Variants in ANK3 observed in about 807,000 individuals in gnomAD.
The protein encoded by ANK3 is ankyrin 3, also known as ankyrin-3.
ANK3 carries 57 observed loss-of-function variants against 370.9 expected under a neutral mutation model. The ratio of observed to expected loss-of-function variants is 0.15; its 90% CI spans 0.12 to 0.19. The LOEUF is 0.19. Among genes scored for constraint, ANK3 ranks in the 10% least tolerant of loss-of-function variants. The pLI is 1.00. For missense variants in ANK3, 4,439 were observed against 5,302.1 expected, an observed-to-expected ratio of 0.84 and a Z score of 5.06; for synonymous variants, 1,929 against 1,946.3, an observed-to-expected ratio of 0.99 and a Z score of 0.23.
chr10:60,085,694 C>A (rs1191225306), intron 30 of ANK3, among the ~76,000 whole-genome samples: 1 of 148,248 alleles, frequency 6.7e-6, no homozygotes, highest in South Asian at 2.1e-4. Flanking sequence ...CGGCTCACTG[C>A]AACCTCCGCC....
At chr10:60,256,535 C>T (rs1291713669) in intron 7 of ANK3, among the ~76,000 whole-genome samples, 3 of 152,294 alleles carry the variant, frequency 2.0e-5, no homozygotes, top group Admixed American at 6.5e-5. Flanking sequence ...AGGTTTGTTA[C>T]GTGGGTATAT....
intron 7 of ANK3, among the ~76,000 whole-genome samples, chr10:60,258,055 T>C (rs1234641478): frequency 6.6e-6 from 1 of 152,228 alleles, no homozygotes; most frequent in East Asian, 1.9e-4. Context: ...GGCAACCACA[T>C]AATACAATTT....
intron 1 of ANK3, among the ~76,000 whole-genome samples, chr10:60,283,530 T>C (rs1317395431): frequency 3.9e-5 from 6 of 152,146 alleles, no homozygotes; most frequent in Admixed American, 3.9e-4. Context: ...TATGAACAGG[T>C]TGTTCAGCAC....
Position 60,072,281 on chromosome 10 carries a change from T to C in ANK3, c.8600A>G (p.Lys2867Arg), listed in dbSNP as rs745997409. Reference protein sequence around the residue: ...SSGATNNKSQKEKLSHVLVHD... With the variant: ...SSGATNNKSQREKLSHVLVHD... ...AACAAGTACATGCGAAAGTTTTTCTTTCTGAGACTTATTGTTAGTGGCTCC... is the reference window on the plus strand; with the variant it reads ...AACAAGTACATGCGAAAGTTTTTCTCTCTGAGACTTATTGTTAGTGGCTCC... The change falls in exon 37 of 44, where the codon AAA becomes AGA. Residue 2867 changes from lysine to arginine, a missense_variant. Physicochemically the swap from Lys to Arg is conservative, Grantham distance 26. Coordinates refer to ENST00000280772, the MANE Select transcript of ANK3 (RefSeq NM_020987.5). The C allele has an allele frequency of 1.2e-6, 2 of 1,614,162 alleles. No homozygotes were observed. Among genetic ancestry groups the C allele is most frequent in the Non-Finnish European group, 1.7e-6 (2 of 1,180,024 alleles).
chr10:60,091,951 G>A (rs771352757), intron 28 of ANK3, among the ~76,000 whole-genome samples: 6 of 152,030 alleles, frequency 3.9e-5, no homozygotes, highest in Non-Finnish European at 5.9e-5. Context: ...GGATGGTCTC[G>A]ATCTCTTGAC....
intron 2 of ANK3, among the ~76,000 whole-genome samples, chr10:60,527,104 A>G (rs2133193159): frequency 1.3e-5 from 2 of 152,302 alleles, no homozygotes; most frequent in East Asian, 3.9e-4. Flanking sequence ...AGTTAAATTA[A>G]AAAAGAAATT....
In ANK3 at chr10:60,399,790, G is replaced by A. The variant is rs192796604; in HGVS notation, c.97-120151C>T. Among the ~76,000 whole-genome samples, 9 of 152,232 alleles carry A rather than the reference G, an allele frequency of 5.9e-5. No individual in the cohort carries two copies. The South Asian group carries it at 8.3e-4, about 14-fold the overall frequency. On this transcript the variant is annotated intron_variant, in intron 2 of 43. Coordinates refer to the ANK3 transcript ENST00000373827. ...AATTTAATGAAAAAATTTAAATTGT[G>A]GTCTTTTCTGCAGAGGTGGTGATAT...
chr10:60,378,623 T>C (rs180780247), intron 1 of ANK3, among the ~76,000 whole-genome samples: 32 of 152,260 alleles, frequency 2.1e-4, no homozygotes, highest in Non-Finnish European at 4.0e-4. Flanking sequence ...TAATTGGTGC[T>C]GGGAAAATTG....
chr10:60,553,254 CACT>C (rs2133235801), intron 2 of ANK3, among the ~76,000 whole-genome samples: 1 of 150,660 alleles, frequency 6.6e-6, no homozygotes, highest in South Asian at 2.1e-4. Flanking sequence ...GCCTTATACC[CACT>C]GGGTAACCTT....
At chr10:60,540,555 C>T (rs1473293486) in intron 2 of ANK3, among the ~76,000 whole-genome samples, 3 of 151,872 alleles carry the variant, frequency 2.0e-5, no homozygotes, top group Non-Finnish European at 4.4e-5. Context: ...CTGAGTTAAT[C>T]CTAAACACGG....
chr10:60,241,715 A>C (rs1198598207), intron 7 of ANK3, among the ~76,000 whole-genome samples: 1 of 152,184 alleles, frequency 6.6e-6, no homozygotes, highest in Non-Finnish European at 1.5e-5. Flanking sequence ...CACTCTAAAA[A>C]ACTTAAGTAT....
chr10:60,606,801 A>G (rs1268638844), intron 2 of ANK3, among the ~76,000 whole-genome samples: 1 of 152,160 alleles, frequency 6.6e-6, no homozygotes, highest in Non-Finnish European at 1.5e-5. Flanking sequence ...TACTCATTTC[A>G]GCTTCCTGCA....
intron 1 of ANK3, among the ~76,000 whole-genome samples, chr10:60,389,072 C>G (rs1443882075): frequency 1.3e-5 from 2 of 152,144 alleles, no homozygotes; most frequent in African/African-American, 4.8e-5. Flanking sequence ...GCCTCTCCCT[C>G]TAACCCAAGT....
chr10:60,208,843 C>T (rs1226885581), intron 9 of ANK3, among the ~76,000 whole-genome samples: 2 of 152,162 alleles, frequency 1.3e-5, no homozygotes, highest in Non-Finnish European at 2.9e-5. Context: ...GAAAGGAAAA[C>T]TTTTCCCTTT....
intron 1 of ANK3, among the ~76,000 whole-genome samples, chr10:60,705,832 T>C (rs1244775487): frequency 2.0e-5 from 3 of 147,596 alleles, no homozygotes; most frequent in Non-Finnish European, 4.5e-5. Context: ...TTCTTTTTTT[T>C]TTTTTTTTTT....
chr10:60,154,964 CAG>C lies in ANK3; in HGVS notation c.2614+11625_2614+11626del, dbSNP rs1033962525. 6.6e-5 allele frequency among the ~76,000 whole-genome samples: 10 copies of C among 152,020 alleles called. 1 individual carries two copies. The highest frequency in any genetic ancestry group is 5.9e-4 in the Admixed American group (9 of 15,256). On this transcript the variant is annotated intron_variant, in intron 23 of 43. Coordinates refer to ENST00000280772, the MANE Select transcript of ANK3 (RefSeq NM_020987.5). The stretch of plus-strand genomic sequence containing the variant: ...TATATAGTTCTTTTGCCAAAAGAAA[CAG>C]AGGAAGGTTCTCTAAATATTTATCA...
In ANK3 at chr10:60,208,249, A is replaced by C. The variant is rs1351254223; in HGVS notation, c.997-16T>G. The C allele has an allele frequency of 6.2e-7, 1 of 1,611,318 alleles. No individual in the cohort carries two copies. The highest frequency in any genetic ancestry group is 8.5e-7 in the Non-Finnish European group (1 of 1,177,630). ...ATAATCCATTCTGGAACACATAAAG[A>C]AATCAGAGTTCATTCTTTTACCTTT... On this transcript the variant is annotated splice_polypyrimidine_tract_variant and intron_variant, in intron 9 of 43. Coordinates refer to ENST00000280772, the MANE Select transcript of ANK3 (RefSeq NM_020987.5).
At chr10:60,287,068 G>A (rs1342629113) in intron 1 of ANK3, among the ~76,000 whole-genome samples, 3 of 151,974 alleles carry the variant, frequency 2.0e-5, no homozygotes, top group Non-Finnish European at 4.4e-5. Flanking sequence ...TTCTTATACT[G>A]GGGGCTCACC....
rs2078974591 is a variant in ANK3, at chr10:60,664,613, C to T, written c.58-49389G>A. Among the ~76,000 whole-genome samples the T allele has an allele frequency of 2.0e-5, 3 of 152,234 alleles. No homozygotes were observed. The South Asian group carries it at 6.2e-4, about 32-fold the overall frequency. ...GCAGGCCAAAATGGTTAGCAGAAGG[C>T]TCATGAGTTAAGACAGAAATAAAAT... On this transcript the variant is annotated intron_variant, in intron 1 of 43. Transcript: ENST00000373827.
Sources: allele counts gnomAD v4.1 joint callset (sites outside exome capture counted in the v4.1 genomes callset), GRCh38; gene constraint gnomAD v4.1.1; transcripts MANE v1.5; gene names NCBI Gene and HGNC (gene_info 2026-07-23, HGNC 2026-07-21).